TBPL1: variants seen among roughly 807,000 people sequenced by gnomAD.
TBPL1 encodes TATA box-binding protein-like 1.
TBPL1 carries 4 observed loss-of-function variants against 22.1 expected under a neutral mutation model. That is an observed-to-expected ratio of 0.18 (90% CI 0.09 to 0.41). The LOEUF is 0.41. TBPL1 is among the 10% of genes least tolerant of loss of function. TBPL1 has a pLI of 1.00. For synonymous variants in TBPL1, 64 were observed against 71.0 expected, an observed-to-expected ratio of 0.90 and a Z score of 0.50; for missense variants, 115 against 222.3, an observed-to-expected ratio of 0.52 and a Z score of 3.07.
intron 1 of TBPL1, among the ~76,000 whole-genome samples, chr6:133,967,552 C>A (rs768826610): frequency 6.6e-6 from 1 of 152,114 alleles, no homozygotes; most frequent in Non-Finnish European, 1.5e-5. Flanking sequence ...TAAACCCAGA[C>A]GGTAGAATCT....
At chr6:133,975,869 A>T (rs1462486553) in intron 1 of TBPL1, among the ~76,000 whole-genome samples, 1 of 152,182 alleles carries the variant, frequency 6.6e-6, no homozygotes, top group Non-Finnish European at 1.5e-5. Context: ...AAGCTGAATG[A>T]TAGGTACGTA....
At chr6:133,976,539 T>G (rs1011222787) in intron 1 of TBPL1, among the ~76,000 whole-genome samples, 6 of 152,190 alleles carry the variant, frequency 3.9e-5, no homozygotes, top group African/African-American at 1.4e-4. Context: ...TTTTCTTGTT[T>G]TAATTTAAAC....
Position 133,957,343 on chromosome 6 carries a change from CAG to C in TBPL1, c.-45+3921_-45+3922del, listed in dbSNP as rs559894993. Among the ~76,000 whole-genome samples, 9 of 152,254 alleles carry C rather than the reference CAG, an allele frequency of 5.9e-5. No individual in the cohort carries two copies. In the East Asian group the frequency reaches 1.7e-3, roughly 29 times the overall value. ...TGAAAACCAGACGGTGTGTTAAGGA[CAG>C]AGTTTTCTTAGGACATATGTGGATG... On this transcript the variant is annotated intron_variant, in intron 1 of 6. Coordinates refer to ENST00000237264, the MANE Select transcript of TBPL1 (RefSeq NM_004865.4).
chr6:133,968,790 C>T (rs1469320972), intron 1 of TBPL1: 1 of 152,264 alleles, frequency 6.6e-6, no homozygotes, highest in African/African-American at 2.4e-5. Context: ...TTGCCTCAGC[C>T]TCCGCAGTAG....
intron 1 of TBPL1, among the ~76,000 whole-genome samples, chr6:133,973,187 A>G (rs1017562113): frequency 2.0e-5 from 3 of 152,158 alleles, no homozygotes; most frequent in African/African-American, 7.2e-5. Flanking sequence ...ATGTGAGGTT[A>G]CTTTGAATGG....
At chr6:133,978,571 A>G (rs1237821160) in intron 1 of TBPL1, among the ~76,000 whole-genome samples, 1 of 152,222 alleles carries the variant, frequency 6.6e-6, no homozygotes, top group East Asian at 1.9e-4. Context: ...TCATACGTAA[A>G]AATTATTTGA....
intron 1 of TBPL1, among the ~76,000 whole-genome samples, chr6:133,971,190 G>A (rs1776215195): frequency 6.6e-6 from 1 of 151,446 alleles, no homozygotes; most frequent in East Asian, 1.9e-4. Flanking sequence ...AGATCATGAG[G>A]AATTTGTCTT....
chr6:133,967,103 T>C (rs1776133490), intron 1 of TBPL1, among the ~76,000 whole-genome samples: 1 of 152,254 alleles, frequency 6.6e-6, no homozygotes, highest in Admixed American at 6.5e-5. Context: ...CCATGCTGAT[T>C]CTTCCTTCAG....
At chr6:133,965,579 T>A (rs1459521143) in intron 1 of TBPL1, among the ~76,000 whole-genome samples, 1 of 152,034 alleles carries the variant, frequency 6.6e-6, no homozygotes, top group Non-Finnish European at 1.5e-5. Context: ...TTGCTTTGAT[T>A]TGATGGTTTT....
chr6:133,981,170 A>G (rs1039676058), intron 2 of TBPL1, among the ~76,000 whole-genome samples: 2 of 151,936 alleles, frequency 1.3e-5, no homozygotes, highest in East Asian at 3.9e-4. Flanking sequence ...ACGGGGTTTC[A>G]CCGTGTTGGC....
Position 133,985,234 on chromosome 6 carries a change from G to T in TBPL1, c.481+563G>T, listed in dbSNP as rs1215768494. Reference sequence around the variant, plus strand: ...GCGGAGGTTGCAGCGAGCTGAGATCGCACCACTGCACTCCAGACTGGCAAC... The same window carrying T: ...GCGGAGGTTGCAGCGAGCTGAGATCTCACCACTGCACTCCAGACTGGCAAC... On this transcript the variant is annotated intron_variant, in intron 6 of 6. Transcript: ENST00000237264. 3.0e-5 allele frequency among the ~76,000 whole-genome samples: 4 copies of T among 131,630 alleles called. No homozygotes were observed. The East Asian group carries it at 7.1e-4, about 23-fold the overall frequency. 86.4% of individuals were successfully genotyped at this position (131,630 alleles called of 152,430 possible). A position where few individuals can be genotyped will look rare whatever the true frequency, so the allele number is the denominator to read the frequency against.
intron 1 of TBPL1, among the ~76,000 whole-genome samples, chr6:133,971,375 C>T (rs545297393): frequency 6.6e-6 from 1 of 152,114 alleles, no homozygotes; most frequent in Non-Finnish European, 1.5e-5. Context: ...CAGTAAATAG[C>T]GAAGTATAGA....
Position 133,985,233 on chromosome 6 carries a change from C to T in TBPL1, c.481+562C>T, listed in dbSNP as rs190964035. On this transcript the variant is annotated intron_variant, in intron 6 of 6. Coordinates refer to ENST00000237264, the MANE Select transcript of TBPL1 (RefSeq NM_004865.4). Reference sequence around the variant, plus strand: ...GGCGGAGGTTGCAGCGAGCTGAGATCGCACCACTGCACTCCAGACTGGCAA... The same window carrying T: ...GGCGGAGGTTGCAGCGAGCTGAGATTGCACCACTGCACTCCAGACTGGCAA... Among the ~76,000 whole-genome samples, 128 of 137,138 alleles carry T rather than the reference C, an allele frequency of 9.3e-4. 3 individuals carry two copies. In the East Asian group the frequency reaches 0.024, roughly 26 times the overall value. 90.0% of individuals were successfully genotyped at this position (137,138 alleles called of 152,430 possible). A position where few individuals can be genotyped will look rare whatever the true frequency, so the allele number is the denominator to read the frequency against.
intron 1 of TBPL1, among the ~76,000 whole-genome samples, chr6:133,957,983 G>A (rs1028935254): frequency 6.6e-6 from 1 of 152,144 alleles, no homozygotes; most frequent in African/African-American, 2.4e-5. Flanking sequence ...CTTTCTTTCT[G>A]TTCACTGACT....
At chr6:133,982,394 A>G (rs762073952) in intron 2 of TBPL1, among the ~76,000 whole-genome samples, 174 bp from the exon 3 acceptor site, 2 of 152,180 alleles carry the variant, frequency 1.3e-5, no homozygotes, top group Non-Finnish European at 2.9e-5. Flanking sequence ...TTGGATTAAT[A>G]TGTTCTTTGT....
Position 133,980,267 on chromosome 6 carries a change from A to T in TBPL1, c.135+7A>T, listed in dbSNP as rs1473578422. ...TTATAAACGTGATGTTGGAGTAAGT[A>T]TCTGAGTTTTCGTATTTGTACTACA... On this transcript the variant is annotated splice_region_variant and intron_variant, in intron 2 of 6. Coordinates refer to ENST00000237264, the MANE Select transcript of TBPL1 (RefSeq NM_004865.4). The T allele has an allele frequency of 1.4e-5, 22 of 1,599,796 alleles. No homozygotes were observed. Among genetic ancestry groups the T allele is most frequent in the Non-Finnish European group, 1.9e-5 (22 of 1,175,284 alleles).
intron 1 of TBPL1, among the ~76,000 whole-genome samples, chr6:133,958,399 T>C (rs534633706): frequency 2.3e-4 from 35 of 152,332 alleles, no homozygotes; most frequent in African/African-American, 7.7e-4. Context: ...AGTAGCTTTT[T>C]TTTGTAATTT....
chr6:133,966,612 G>C (rs960960667), intron 1 of TBPL1, among the ~76,000 whole-genome samples: 10 of 152,074 alleles, frequency 6.6e-5, no homozygotes, highest in African/African-American at 2.2e-4. Context: ...GTCCAAAACC[G>C]AATTGTTAAC....
chr6:133,964,649 C>T (rs371195407), intron 1 of TBPL1, among the ~76,000 whole-genome samples: 5 of 151,838 alleles, frequency 3.3e-5, no homozygotes, highest in East Asian at 1.9e-4. Context: ...GGGGTTTTAC[C>T]GTGTTAGCCA....
Sources: gnomAD v4.1 joint callset for allele counts (sites outside exome capture counted in the v4.1 genomes callset) on GRCh38, gnomAD v4.1.1 for gene constraint, MANE v1.5 for transcripts, NCBI Gene and HGNC (gene_info 2026-07-23, HGNC 2026-07-21) for gene names.